The following DSTYK variants were observed in gnomAD, a reference collection of about 807,000 sequenced individuals.
DSTYK encodes dual serine/threonine and tyrosine protein kinase.
Under a neutral mutation model 98.7 loss-of-function variants are expected in DSTYK, and 34 were observed. The observed-to-expected ratio is 0.34, with a 90% CI of 0.26 to 0.46. The LOEUF (loss-of-function observed/expected upper bound fraction) is 0.46, where lower values mean the gene tolerates loss of function less well. Among genes scored for constraint, DSTYK ranks in the 20% least tolerant of loss-of-function variants. DSTYK has a pLI of 1.00. For synonymous variants in DSTYK, 462 were observed against 457.3 expected (o/e 1.01, Z -0.13); for missense variants, 962 against 1,181.7 (o/e 0.81, Z 2.73).
At position 205,162,231 on chromosome 1, in the gene DSTYK, C is replaced by A. The variant is rs376484263; in HGVS notation, c.1642-19G>T. 1.9e-6 allele frequency: 3 copies of A among 1,608,954 alleles called. No homozygotes were observed. The highest frequency in any genetic ancestry group is 1.1e-5 in the South Asian group (1 of 90,690). On this transcript the variant is annotated intron_variant, in intron 5 of 12. Coordinates refer to ENST00000367162, the MANE Select transcript of DSTYK (RefSeq NM_015375.3). Reference sequence around the variant, plus strand: ...GGATGATCTACCAGGATGAAGACAGCGAGATCACCAAGGAATGAGAGACAA... The same window carrying A: ...GGATGATCTACCAGGATGAAGACAGAGAGATCACCAAGGAATGAGAGACAA...
chr1:205,170,769 T>C (rs895285764), intron 2 of DSTYK, among the ~76,000 whole-genome samples: 1 of 151,944 alleles, frequency 6.6e-6, no homozygotes, highest in African/African-American at 2.4e-5. Context: ...GTGGGTGGGG[T>C]TTCCAGGAAA....
intron 1 of DSTYK, among the ~76,000 whole-genome samples, chr1:205,209,894 T>C (rs1382665757): frequency 1.6e-5 from 2 of 128,676 alleles, no homozygotes; most frequent in East Asian, 4.8e-4. Flanking sequence ...TTATTATTAC[T>C]ATTATTATTA....
At chr1:205,183,859 AG>A (rs1658491110) in intron 2 of DSTYK, among the ~76,000 whole-genome samples, 1 of 152,158 alleles carries the variant, frequency 6.6e-6, no homozygotes, top group South Asian at 2.1e-4. Flanking sequence ...AGGCCCTCTG[AG>A]ACTCAACATC....
At chr1:205,177,681 AC>A (rs1019385601) in intron 2 of DSTYK, among the ~76,000 whole-genome samples, 25 of 152,246 alleles carry the variant, frequency 1.6e-4, no homozygotes, top group African/African-American at 6.0e-4. Flanking sequence ...AGCCTGGCCA[AC>A]ATACTGAAAC....
In DSTYK at chr1:205,148,208, T is replaced by G; in HGVS notation, c.2599A>C (p.Arg867=). 6.2e-7 allele frequency: 1 copy of G among 1,614,108 alleles called. No homozygotes were observed. Among genetic ancestry groups the G allele is most frequent in the Non-Finnish European group, 8.5e-7 (1 of 1,179,984 alleles). The change falls in exon 12 of 13, where the codon AGG becomes CGG. Residue 867 remains arginine, a synonymous_variant. Coordinates refer to ENST00000367162, the MANE Select transcript of DSTYK (RefSeq NM_015375.3). ...SKDHLWNNVR[R]GARPERLPVF... Reference sequence around the variant, plus strand: ...AGGTAGTACTTGTGGCTCTTACCCCTCCGCACATTGTTCCAGAGATGGTCT... The same window carrying G: ...AGGTAGTACTTGTGGCTCTTACCCCGCCGCACATTGTTCCAGAGATGGTCT...
Position 205,169,820 on chromosome 1 carries a change from C to A in DSTYK, c.667G>T (p.Val223Leu), listed in dbSNP as rs1658002721. The change falls in exon 3 of 13, where the codon GTG (valine) becomes TTG (leucine). Residue 223 changes from valine to leucine, a missense_variant. This residue lies in a region of DSTYK where 660 missense variants were observed against 855.0 expected (regional missense o/e 0.77). Transcript: ENST00000367162. The surrounding 1 kb of genome is among the most constrained non-coding windows in gnomAD (Gnocchi z 4.0). ...HHALLQEVDV[V>L]VAPCQGLRPT... The stretch of plus-strand genomic sequence containing the variant: ...CGGAGGCCTTGGCATGGTGCTACCA[C>A]AACGTCCACTTCCTGGAAGGGGAAG... The A allele has an allele frequency of 1.2e-6, 2 of 1,610,976 alleles. No individual in the cohort carries two copies. The highest frequency in any genetic ancestry group is 3.4e-5 in the Admixed American group (2 of 59,666).
At chr1:205,173,669 A>G (rs1658137992) in intron 2 of DSTYK, among the ~76,000 whole-genome samples, 1 of 152,086 alleles carries the variant, frequency 6.6e-6, no homozygotes, top group Admixed American at 6.5e-5. Context: ...TTTTGTGTGC[A>G]CAACAGAAAC....
At chr1:205,147,924 AAAG>A (rs373363727) in intron 12 of DSTYK, among the ~76,000 whole-genome samples, 179 bp from the exon 13 acceptor site, 1,641 of 151,924 alleles carry the variant, frequency 0.011, 27 homozygotes, top group African/African-American at 0.031. Flanking sequence ...TTAAAAAAAA[AAAG>A]AAAGAAAGAA....
intron 12 of DSTYK, 59 bp from the exon 13 acceptor site, chr1:205,147,804 G>A: frequency 6.4e-7 from 1 of 1,559,920 alleles, no homozygotes; most frequent in Non-Finnish European, 8.8e-7. Context: ...CAACAAAGAG[G>A]CATGACCAGC....
chr1:205,208,876 T>C (rs1347490781), intron 1 of DSTYK, among the ~76,000 whole-genome samples: 1 of 152,130 alleles, frequency 6.6e-6, no homozygotes, highest in Non-Finnish European at 1.5e-5. Context: ...AATATACATA[T>C]TAAGTGTCCC....
intron 7 of DSTYK, 81 bp downstream of exon 7, chr1:205,161,176 CT>C: frequency 6.4e-7 from 1 of 1,552,908 alleles, no homozygotes; most frequent in Non-Finnish European, 8.7e-7. Flanking sequence ...GCTTTAGACA[CT>C]AGGATTCTCT....
chr1:205,176,345 G>A (rs756871262), intron 2 of DSTYK, among the ~76,000 whole-genome samples: 21 of 151,830 alleles, frequency 1.4e-4, no homozygotes, highest in Non-Finnish European at 2.8e-4. Context: ...GGGTGGTGGC[G>A]TATGCCTGTA....
intron 2 of DSTYK, among the ~76,000 whole-genome samples, chr1:205,178,651 C>G (rs1351443592): frequency 6.6e-6 from 1 of 152,014 alleles, no homozygotes; most frequent in Non-Finnish European, 1.5e-5. Flanking sequence ...AACAAGAAGC[C>G]TTAAGTTTTG....
chr1:205,207,882 T>G (rs1010940472), intron 1 of DSTYK, among the ~76,000 whole-genome samples: 2 of 151,862 alleles, frequency 1.3e-5, no homozygotes, highest in Non-Finnish European at 2.9e-5. Flanking sequence ...TGTATTTATT[T>G]ATTTATTTTT....
At chr1:205,171,454 TAA>T (rs10536424) in intron 2 of DSTYK, among the ~76,000 whole-genome samples, 5,867 of 115,086 alleles carry the variant, frequency 0.051, 206 homozygotes, top group African/African-American at 0.11. Flanking sequence ...CTGTCTCAAT[TAA>T]AAAAAAAAAA....
rs1271146635 is a variant in DSTYK, at chr1:205,147,363, G to A, written c.*195C>T. On this transcript the variant is annotated 3_prime_UTR_variant, in exon 13 of 13. Coordinates refer to ENST00000367162, the MANE Select transcript of DSTYK (RefSeq NM_015375.3). ...AAGGGATAGCTTGGCGCTTCAGTGAGCTGCTGAATATGCTCAGTCATTCAA... is the reference window on the plus strand; with the variant it reads ...AAGGGATAGCTTGGCGCTTCAGTGAACTGCTGAATATGCTCAGTCATTCAA... 2.1e-6 allele frequency: 1 copy of A among 485,890 alleles called. No homozygotes were observed. Among genetic ancestry groups the A allele is most frequent in the Admixed American group, 3.4e-5 (1 of 29,758 alleles). The allele number at this position is 485,890 out of a possible 1,614,324, so 30.1% of individuals were successfully genotyped here. A position where few individuals can be genotyped will look rare whatever the true frequency, so the allele number is the denominator to read the frequency against.
At chr1:205,166,112 C>A (rs1312958559) in intron 3 of DSTYK, among the ~76,000 whole-genome samples, 1 of 152,056 alleles carries the variant, frequency 6.6e-6, no homozygotes, top group Non-Finnish European at 1.5e-5. Flanking sequence ...TCAGGCATAT[C>A]CATTAGAAGA....
chr1:205,177,050 A>G (rs1160909450), intron 2 of DSTYK, among the ~76,000 whole-genome samples: 1 of 151,950 alleles, frequency 6.6e-6, no homozygotes, highest in Non-Finnish European at 1.5e-5. Context: ...TACAAAAAAT[A>G]AAACAAATTA....
Position 205,211,475 on chromosome 1 carries a change from C to A in DSTYK, c.61G>T (p.Gly21Cys), listed in dbSNP as rs1472540962. ...CGGCACAGCTCGCGGATCATTCCGC[C>A]GCCGCCGGGGCCGGGACCCGAGACG... ...EPVSGPGPGGGGMIRELCRGF... is the reference protein window; with the variant it reads ...EPVSGPGPGGCGMIRELCRGF... The change falls in exon 1 of 13, where the codon GGC becomes TGC. Residue 21 changes from glycine (G) to cysteine (C), a missense_variant. Gly to Cys is a radical substitution (Grantham distance 159). Around this residue, in one of 4 missense-constraint regions of DSTYK, gnomAD observed 168 missense variants for 120.0 expected, o/e 1.40. Coordinates refer to ENST00000367162, the MANE Select transcript of DSTYK (RefSeq NM_015375.3). 3 of 1,587,240 alleles carry A rather than the reference C, an allele frequency of 1.9e-6. No individual in the cohort carries two copies. The African/African-American group carries it at 4.1e-5, about 21-fold the overall frequency.
Sources: gnomAD v4.1 joint callset for allele counts (sites outside exome capture counted in the v4.1 genomes callset) on GRCh38, gnomAD v4.1.1 for gene constraint, gnomAD v4.1.1 regional missense constraint, Gnocchi (gnomAD v3.1) non-coding constraint, MANE v1.5 for transcripts, NCBI Gene and HGNC (gene_info 2026-07-23, HGNC 2026-07-21) for gene names.